Variants in ARL8B observed in about 807,000 individuals in gnomAD.
ARL8B encodes ADP-ribosylation factor-like protein 8B.
Under a neutral mutation model 30.6 loss-of-function variants are expected in ARL8B, and 9 were observed. The ratio of observed to expected loss-of-function variants is 0.29; its 90% CI spans 0.18 to 0.51. The LOEUF (loss-of-function observed/expected upper bound fraction) is 0.51. Ranked by LOEUF, ARL8B falls within the 20% of genes least tolerant of loss-of-function variation. The pLI is 0.97. For missense variants in ARL8B, 130 were observed against 227.2 expected, an observed-to-expected ratio of 0.57 and a Z score of 2.75; for synonymous variants, 74 against 76.0, an observed-to-expected ratio of 0.97 and a Z score of 0.14.
intron 1 of ARL8B, among the ~76,000 whole-genome samples, chr3:5,131,603 C>G (rs764974512): frequency 1.3e-5 from 2 of 151,876 alleles, no homozygotes; most frequent in Non-Finnish European, 2.9e-5. Context: ...GTTGGCCACA[C>G]TGGTCTTGAA....
At chr3:5,130,548 C>CG (rs888579844) in intron 1 of ARL8B, among the ~76,000 whole-genome samples, 12 of 147,036 alleles carry the variant, frequency 8.2e-5, no homozygotes, top group Non-Finnish European at 1.6e-4. Context: ...TTTTTTTTGG[C>CG]GGGGGGATGG....
intron 1 of ARL8B, among the ~76,000 whole-genome samples, chr3:5,151,730 C>T (rs74637407): frequency 6.2e-4 from 82 of 131,830 alleles, no homozygotes; most frequent in Middle Eastern, 3.8e-3. Flanking sequence ...CACCCCCCCC[C>T]TTGGAGATAG....
chr3:5,162,644 G>C (rs774703655), intron 1 of ARL8B, among the ~76,000 whole-genome samples: 13 of 152,132 alleles, frequency 8.5e-5, no homozygotes, highest in Non-Finnish European at 1.5e-4. Flanking sequence ...TAAAATTTTT[G>C]CACGCTACTT....
intron 1 of ARL8B, among the ~76,000 whole-genome samples, chr3:5,131,516 G>A (rs2054283895): frequency 6.6e-6 from 1 of 151,832 alleles, no homozygotes; most frequent in Non-Finnish European, 1.5e-5. Flanking sequence ...TCAGCCTCCT[G>A]AGTAGCTAGG....
intron 1 of ARL8B, among the ~76,000 whole-genome samples, chr3:5,146,672 C>A (rs1202942499): frequency 6.6e-6 from 1 of 152,124 alleles, no homozygotes; most frequent in African/African-American, 2.4e-5. Flanking sequence ...TAATTCTAAA[C>A]CCAATCTCAC....
chr3:5,136,730 T>C (rs2054328827), intron 1 of ARL8B, among the ~76,000 whole-genome samples: 2 of 151,186 alleles, frequency 1.3e-5, no homozygotes. Flanking sequence ...AAGTAGGCCT[T>C]TGAAGTAAAT....
intron 1 of ARL8B, among the ~76,000 whole-genome samples, chr3:5,131,310 A>G (rs2054281072): frequency 6.6e-6 from 1 of 152,192 alleles, no homozygotes; most frequent in African/African-American, 2.4e-5. Flanking sequence ...AGGAAAAGAA[A>G]GGAAACCTAC....
chr3:5,172,767 C>A (rs2054687243), intron 4 of ARL8B, 27 bp downstream of exon 4: 2 of 1,304,194 alleles, frequency 1.5e-6, no homozygotes, highest in Non-Finnish European at 2.2e-6. Flanking sequence ...TGTTATTTTA[C>A]ATTGTAATTA....
intron 1 of ARL8B, among the ~76,000 whole-genome samples, chr3:5,148,157 G>T (rs962815556): frequency 3.9e-5 from 6 of 151,918 alleles, no homozygotes; most frequent in African/African-American, 1.5e-4. Flanking sequence ...TTTCAGCCCA[G>T]GTGTAAAAGC....
chr3:5,140,316 A>G (rs1230969706), intron 1 of ARL8B, among the ~76,000 whole-genome samples: 4 of 152,224 alleles, frequency 2.6e-5, no homozygotes, highest in African/African-American at 2.4e-5. Flanking sequence ...GAGGTAGTGA[A>G]TAAGTCTCAC....
intron 1 of ARL8B, among the ~76,000 whole-genome samples, chr3:5,142,845 A>G (rs2054386271): frequency 6.6e-6 from 1 of 152,316 alleles, no homozygotes; most frequent in South Asian, 2.1e-4. Flanking sequence ...TTCTTGGCCT[A>G]GAGTGGCTGG....
intron 1 of ARL8B, among the ~76,000 whole-genome samples, chr3:5,149,664 T>C (rs183470795): frequency 3.9e-5 from 6 of 152,228 alleles, no homozygotes; most frequent in Admixed American, 3.9e-4. Flanking sequence ...AACGAAACTT[T>C]CTTTCCTTTT....
intron 1 of ARL8B, among the ~76,000 whole-genome samples, chr3:5,133,818 G>A (rs142403401): frequency 6.6e-6 from 1 of 152,206 alleles, no homozygotes; most frequent in African/African-American, 2.4e-5. Context: ...CGTGTCTGTG[G>A]TCCTAGCTGC....
intron 1 of ARL8B, among the ~76,000 whole-genome samples, chr3:5,134,031 A>G (rs1212336673): frequency 3.3e-5 from 5 of 152,216 alleles, no homozygotes; most frequent in Admixed American, 6.5e-5. Flanking sequence ...CAGGCTATGA[A>G]TGCTATATTT....
intron 1 of ARL8B, among the ~76,000 whole-genome samples, chr3:5,153,461 G>C (rs890307150): frequency 2.0e-5 from 3 of 151,992 alleles, no homozygotes; most frequent in African/African-American, 7.3e-5. Context: ...GCCTTCCACC[G>C]TGATTGTGAG....
intron 1 of ARL8B, among the ~76,000 whole-genome samples, 172 bp downstream of exon 1, chr3:5,122,760 TGGC>T (rs1366420917): frequency 6.6e-6 from 1 of 152,234 alleles, no homozygotes; most frequent in Non-Finnish European, 1.5e-5. Flanking sequence ...TCCCGCGTGT[TGGC>T]GGCGCGGGGA....
chr3:5,147,348 A>G (rs1396609514), intron 1 of ARL8B, among the ~76,000 whole-genome samples: 2 of 152,084 alleles, frequency 1.3e-5, no homozygotes, highest in African/African-American at 2.4e-5. Context: ...AAGGACATGA[A>G]CTCATCCTTT....
At chr3:5,142,303 C>G (rs1426710547) in intron 1 of ARL8B, among the ~76,000 whole-genome samples, 1 of 152,078 alleles carries the variant, frequency 6.6e-6, no homozygotes, top group Non-Finnish European at 1.5e-5. Context: ...AACTCTGCCC[C>G]CTATCTAGAG....
intron 1 of ARL8B, among the ~76,000 whole-genome samples, chr3:5,133,465 A>G (rs2054300747): frequency 6.6e-6 from 1 of 152,232 alleles, no homozygotes; most frequent in African/African-American, 2.4e-5. Context: ...TAGGATGAGT[A>G]CAATTTAGCA....
Sources: allele counts gnomAD v4.1 joint callset (sites outside exome capture counted in the v4.1 genomes callset), GRCh38; gene constraint gnomAD v4.1.1; transcripts MANE v1.5; gene names NCBI Gene and HGNC (gene_info 2026-07-23, HGNC 2026-07-21).